BAZ2A: variants seen among roughly 807,000 people sequenced by gnomAD.
BAZ2A encodes bromodomain adjacent to zinc finger domain protein 2A.
A neutral mutation model predicts 199.9 loss-of-function variants in BAZ2A; 34 were observed. That is an observed-to-expected ratio of 0.17 (90% confidence interval 0.13 to 0.23). The LOEUF (loss-of-function observed/expected upper bound fraction) is 0.23. Among genes scored for constraint, BAZ2A ranks in the 10% least tolerant of loss-of-function variants. The pLI is 1.00. For missense variants in BAZ2A, 2,002 were observed against 2,391.1 expected (o/e 0.84, Z 3.39); for synonymous variants, 857 against 883.9 (o/e 0.97, Z 0.54).
rs1950365882 is a variant in BAZ2A, at chr12:56,606,664, C to A, written c.2162G>T (p.Arg721Leu). The A allele has an allele frequency of 2.5e-6, 4 of 1,613,902 alleles. No individual in the cohort carries two copies. In the South Asian group the frequency reaches 3.3e-5, roughly 13 times the overall value. Reference sequence around the variant, plus strand: ...TTGGATAGTAGTCTGACACTCTCCCCGTTGAACCTTCTGCCTCATCTTCTT... The same window carrying A: ...TTGGATAGTAGTCTGACACTCTCCCAGTTGAACCTTCTGCCTCATCTTCTT... ...SKKKMRQKVQ[R>L]GECQTTIQGQ... Residue 721 changes from arginine to leucine, a missense_variant, in exon 11 of 29, where the codon CGG becomes CTG. Coordinates refer to ENST00000549884, the MANE Select transcript of BAZ2A (RefSeq NM_001300905.2).
intron 10 of BAZ2A, 52 bp from the exon 11 acceptor site, chr12:56,606,785 T>G: frequency 1.3e-6 from 2 of 1,482,698 alleles, no homozygotes; most frequent in South Asian, 1.1e-5. Flanking sequence ...GGCAGTTCTC[T>G]AGCATCCAGG....
In BAZ2A at chr12:56,599,200, T is replaced by C; in HGVS notation, c.5331A>G (p.Glu1777=). 2 of 1,613,394 alleles carry C rather than the reference T, an allele frequency of 1.2e-6. No homozygotes were observed. The highest frequency in any genetic ancestry group is 1.7e-6 in the Non-Finnish European group (2 of 1,179,726). Reference sequence around the variant, plus strand: ...GCCGCTTGGAGGGGGAGAGCCCTTCTTCCGAGTACCGAGGCCCTGCTGCTG... The same window carrying C: ...GCCGCTTGGAGGGGGAGAGCCCTTCCTCCGAGTACCGAGGCCCTGCTGCTG... ...ESPAAGPRYS[E]EGLSPSKRRR... The change falls in exon 27 of 29, where the codon GAA becomes GAG. Residue 1777 remains glutamate, a synonymous_variant. Coordinates refer to ENST00000549884, the MANE Select transcript of BAZ2A (RefSeq NM_001300905.2).
chr12:56,621,306 A>C (rs1328779014), intron 1 of BAZ2A: 1 of 955,730 alleles, frequency 1.0e-6, no homozygotes, highest in East Asian at 1.1e-4. Flanking sequence ...CAACATGTCG[A>C]TGGCTCACAG....
chr12:56,603,229 C>T, intron 18 of BAZ2A, 130 bp downstream of exon 18: 1 of 1,068,054 alleles, frequency 9.4e-7, no homozygotes, highest in Non-Finnish European at 1.4e-6. Flanking sequence ...GATCGTGCCA[C>T]TGCACTCCAG....
chr12:56,628,479 T>TATGA (rs1259008522), intron 1 of BAZ2A, among the ~76,000 whole-genome samples: 2 of 152,174 alleles, frequency 1.3e-5, no homozygotes, highest in Non-Finnish European at 2.9e-5. Flanking sequence ...GAGTAAGTCA[T>TATGA]ATGATAACAA....
rs551372747 is a variant in BAZ2A, at chr12:56,598,673, C to T, written c.5657G>A (p.Arg1886His). ...EVGKAGHIMR[R>H]FFESRWEEFY... ...CTCCTCCCAGCGGCTCTCGAAGAAG[C>T]GGCGCATGATGTGCCCAGCCTTGCC... Residue 1886 changes from arginine (R) to histidine (H), a missense_variant, in exon 29 of 29, where the codon CGC (arginine) becomes CAC (histidine). Physicochemically the swap from Arg to His is conservative, Grantham distance 29 (BLOSUM62 0). Transcript: ENST00000549884. 3.2e-5 allele frequency: 52 copies of T among 1,613,640 alleles called. No individual in the cohort carries two copies. In the Middle Eastern group the frequency reaches 4.9e-4, roughly 15 times the overall value.
Position 56,611,896 on chromosome 12 carries a change from C to A in BAZ2A, c.1486G>T (p.Val496Leu). Reference protein sequence around the residue: ...ASVTSPKASPVTSPAAAFPTA... With the variant: ...ASVTSPKASPLTSPAAAFPTA... Reference sequence around the variant, plus strand: ...GGAAAGGCAGCTGCTGGGGAAGTTACGGGAGAGGCTTTTGGGGATGTCACT... The same window carrying A: ...GGAAAGGCAGCTGCTGGGGAAGTTAAGGGAGAGGCTTTTGGGGATGTCACT... The change falls in exon 6 of 29, where the codon GTA (valine) becomes TTA (leucine). Residue 496 changes from valine to leucine, a missense_variant. Around this residue, in one of 6 missense-constraint regions of BAZ2A, gnomAD observed 641 missense variants for 694.5 expected, o/e 0.92. Transcript: ENST00000549884. The A allele has an allele frequency of 6.2e-7, 1 of 1,607,640 alleles. No individual in the cohort carries two copies. The highest frequency in any genetic ancestry group is 8.5e-7 in the Non-Finnish European group (1 of 1,176,220).
chr12:56,609,603 G>T, intron 10 of BAZ2A, 133 bp downstream of exon 10: 1 of 1,029,110 alleles, frequency 9.7e-7, no homozygotes, highest in African/African-American at 1.6e-5. Context: ...ATTCCAAGGA[G>T]AAGCTGATTC....
At position 56,601,308 on chromosome 12, in the gene BAZ2A, G is replaced by T; in HGVS notation, c.4166C>A (p.Pro1389His). The change falls in exon 21 of 29, where the codon CCT becomes CAT. Residue 1389 changes from proline to histidine, a missense_variant. By Grantham distance (77) the Pro-to-His change is moderately conservative. Around this residue, in one of 6 missense-constraint regions of BAZ2A, gnomAD observed 1,081 missense variants for 1,274.7 expected, o/e 0.85. Coordinates refer to ENST00000549884, the MANE Select transcript of BAZ2A (RefSeq NM_001300905.2). ...TGTGGGACTCTGTGGCATTTCTCCAGGGTCTCCTGCTCGCCTCTTAGGGGC... is the reference window on the plus strand; with the variant it reads ...TGTGGGACTCTGTGGCATTTCTCCATGGTCTCCTGCTCGCCTCTTAGGGGC... Reference protein sequence around the residue: ...GLAPKRRAGDPGEMPQSPTGL... With the variant: ...GLAPKRRAGDHGEMPQSPTGL... 6.2e-7 allele frequency: 1 copy of T among 1,614,040 alleles called. No individual in the cohort carries two copies. The highest frequency in any genetic ancestry group is 8.5e-7 in the Non-Finnish European group (1 of 1,179,892).
intron 1 of BAZ2A, among the ~76,000 whole-genome samples, chr12:56,624,100 A>G (rs1222039171): frequency 6.6e-6 from 1 of 151,704 alleles, no homozygotes; most frequent in Non-Finnish European, 1.5e-5. Flanking sequence ...AAAAAAAAAA[A>G]TTCCAAGTAC....
chr12:56,626,356 A>T (rs1951096922), intron 1 of BAZ2A, among the ~76,000 whole-genome samples: 1 of 152,200 alleles, frequency 6.6e-6, no homozygotes, highest in Non-Finnish European at 1.5e-5. Flanking sequence ...TAACTTCTAT[A>T]CTGTTTCAGC....
chr12:56,634,862 G>C, upstream of BAZ2A: 3 of 965,288 alleles, frequency 3.1e-6, no homozygotes, highest in Non-Finnish European at 3.7e-6. Context: ...CCGAATCCCG[G>C]GGCAGCAGGG....
rs1046177547 is a variant in BAZ2A at position 56,635,493 on chromosome 12, C to T, written c.4+689G>A. On this transcript the variant is annotated intron_variant, in intron 1 of 29. Transcript: ENST00000379441. The surrounding 1 kb of genome is among the most constrained non-coding windows in gnomAD (Gnocchi z 4.1). ...GGGCTCCATCCCTACGGCTGTGGGGCCTTTGGAATCAGGAAGCCACGAAGG... is the reference window on the plus strand; with the variant it reads ...GGGCTCCATCCCTACGGCTGTGGGGTCTTTGGAATCAGGAAGCCACGAAGG... 3.3e-5 allele frequency among the ~76,000 whole-genome samples: 5 copies of T among 152,124 alleles called. No individual in the cohort carries two copies. Among genetic ancestry groups the T allele is most frequent in the Non-Finnish European group, 7.4e-5 (5 of 68,014 alleles).
rs114910664 is a variant in BAZ2A at position 56,599,688 on chromosome 12, A to C, written c.5172+14T>G. ...TTCTGTTTGAGTGTGGGAAAGAAAG[A>C]GCAGAAGCCTTACCTGAGCCAAACA... On this transcript the variant is annotated intron_variant, in intron 26 of 28. Transcript: ENST00000549884. 7.8e-4 allele frequency: 1,253 copies of C among 1,612,790 alleles called. 14 individuals are homozygous for C. In the African/African-American group the frequency reaches 0.015, roughly 20 times the overall value.
chr12:56,634,027 CG>C (rs1238284222), upstream of BAZ2A, among the ~76,000 whole-genome samples: 1 of 152,194 alleles, frequency 6.6e-6, no homozygotes, highest in African/African-American at 2.4e-5. Flanking sequence ...ACACTCCACC[CG>C]GCCCCCTTCT....
rs775061288 is a variant in BAZ2A, at chr12:56,599,699, T to C, written c.5172+3A>G. 8 of 1,613,170 alleles carry C rather than the reference T, an allele frequency of 5.0e-6. No individual in the cohort carries two copies. In the African/African-American group the frequency reaches 1.1e-4, roughly 22 times the overall value. ...TGTGGGAAAGAAAGAGCAGAAGCCT[T>C]ACCTGAGCCAAACAGACAGTACAGA... is the stretch of plus-strand genomic sequence containing the variant. On this transcript the variant is annotated splice_donor_region_variant and intron_variant, in intron 26 of 28. Transcript: ENST00000549884.
chr12:56,607,158 G>T (rs1050962765), intron 10 of BAZ2A, among the ~76,000 whole-genome samples: 1 of 152,210 alleles, frequency 6.6e-6, no homozygotes, highest in African/African-American at 2.4e-5. Flanking sequence ...AAAGAGGGTA[G>T]TAGTTAGAAG....
At chr12:56,634,659 G>T (rs1951403379), upstream of BAZ2A, among the ~76,000 whole-genome samples, 1 of 152,094 alleles carries the variant, frequency 6.6e-6, no homozygotes, top group Non-Finnish European at 1.5e-5. Flanking sequence ...CAGACCGCGG[G>T]AGATTTTTCT....
At position 56,598,567 on chromosome 12, in the gene BAZ2A, G is replaced by A. The variant is rs1886065107; in HGVS notation, c.*51C>T. The A allele has an allele frequency of 5.1e-6, 8 of 1,580,964 alleles. No homozygotes were observed. The South Asian group carries it at 9.1e-5, about 18-fold the overall frequency. On this transcript the variant is annotated 3_prime_UTR_variant, in exon 29 of 29. Transcript: ENST00000549884. Reference sequence around the variant, plus strand: ...CAGCAGGTGAAAATGGCAGGTTTTTGTTTGGAAGGTGGGGGGAGATGCCAC... The same window carrying A: ...CAGCAGGTGAAAATGGCAGGTTTTTATTTGGAAGGTGGGGGGAGATGCCAC...
Sources: gnomAD v4.1 joint callset for allele counts (sites outside exome capture counted in the v4.1 genomes callset) on GRCh38, gnomAD v4.1.1 for gene constraint, gnomAD v4.1.1 regional missense constraint, Gnocchi (gnomAD v3.1) non-coding constraint, MANE v1.5 for transcripts, NCBI Gene and HGNC (gene_info 2026-07-23, HGNC 2026-07-21) for gene names.